EPHA3: variants seen among roughly 807,000 people sequenced by gnomAD.
EPHA3 encodes EPH receptor A3, also known as ephrin type-A receptor 3.
EPHA3 carries 42 observed loss-of-function variants against 107.1 expected under a neutral mutation model. That is an observed-to-expected ratio of 0.39 (90% CI 0.31 to 0.51). The LOEUF (loss-of-function observed/expected upper bound fraction) is 0.51, where lower values mean the gene tolerates loss of function less well. Among genes scored for constraint, EPHA3 ranks in the 20% least tolerant of loss-of-function variants. The pLI is 0.78. For synonymous variants in EPHA3, 461 were observed against 424.8 expected (o/e 1.09, Z -1.05); for missense variants, 1,183 against 1,211.2 (o/e 0.98, Z 0.35).
At chr3:89,374,618 A>G (rs1235470310) in intron 5 of EPHA3, among the ~76,000 whole-genome samples, 1 of 151,934 alleles carries the variant, frequency 6.6e-6, no homozygotes, top group East Asian at 2.0e-4. Context: ...TCAACAGATC[A>G]GAGGGTCTCT....
At chr3:89,413,366 TGATTTCA>T in intron 10 of EPHA3, 100 bp downstream of exon 10, 1 of 1,445,372 alleles carries the variant, frequency 6.9e-7, no homozygotes, top group Non-Finnish European at 9.6e-7. Flanking sequence ...GGGAATTTTC[TGATTTCA>T]TGATCAAAGG....
intron 4 of EPHA3, among the ~76,000 whole-genome samples, 185 bp downstream of exon 4, chr3:89,341,256 A>G (rs1045134854): frequency 5.9e-5 from 9 of 152,192 alleles, no homozygotes; most frequent in Non-Finnish European, 1.2e-4. Flanking sequence ...ATCACACAAA[A>G]TGAATTAAAT....
chr3:89,183,957 C>T lies in EPHA3; in HGVS notation c.154-25903C>T, dbSNP rs1705502364. Among the ~76,000 whole-genome samples, 2 of 151,870 alleles carry T rather than the reference C, an allele frequency of 1.3e-5. 1 individual carries two copies. The highest frequency in any genetic ancestry group is 4.1e-4 in the South Asian group (2 of 4,820). On this transcript the variant is annotated intron_variant, in intron 2 of 16. Transcript: ENST00000336596. Reference sequence around the variant, plus strand: ...ATCATTTAAATCATATTACTATATCCTATTCTATGACTATAAAAATTTTTA... The same window carrying T: ...ATCATTTAAATCATATTACTATATCTTATTCTATGACTATAAAAATTTTTA...
intron 3 of EPHA3, among the ~76,000 whole-genome samples, chr3:89,261,409 C>T (rs1371882028): frequency 6.6e-6 from 1 of 152,210 alleles, no homozygotes; most frequent in South Asian, 2.1e-4. Flanking sequence ...TTCCTTACCC[C>T]TGGATTGAAA....
chr3:89,407,321 G>T lies in EPHA3; in HGVS notation c.1647G>T (p.Ala549=). 1.9e-6 allele frequency: 3 copies of T among 1,613,506 alleles called. No homozygotes were observed. The highest frequency in any genetic ancestry group is 2.5e-6 in the Non-Finnish European group (3 of 1,179,628). ...AAGTGGTCATGATCGCCATTTCAGC[G>T]GCAGTAGCAATTATTCTCCTCACTG... The part of the protein sequence containing the change: ...SSQVVMIAIS[A]AVAIILLTVV... Residue 549 remains alanine, a synonymous_variant, in exon 8 of 17, where the codon GCG becomes GCT. Transcript: ENST00000336596.
In EPHA3 at chr3:89,480,615, T is replaced by A. The variant is rs1298498385; in HGVS notation, c.*1113T>A. The A allele has an allele frequency of 4.5e-6, 1 of 223,914 alleles. No homozygotes were observed. 13.9% of individuals were successfully genotyped at this position (223,914 alleles called of 1,614,324 possible). ...ACAACACAGCCTATAGGCCAATGCA[T>A]GAGTAAAAAAAAAAACAATTACTGG... On this transcript the variant is annotated 3_prime_UTR_variant, in exon 17 of 17. Coordinates refer to ENST00000336596, the MANE Select transcript of EPHA3 (RefSeq NM_005233.6).
intron 3 of EPHA3, among the ~76,000 whole-genome samples, chr3:89,279,469 C>A (rs1478631069): frequency 1.3e-5 from 2 of 151,694 alleles, no homozygotes; most frequent in Non-Finnish European, 2.9e-5. Context: ...ATATAGCTAC[C>A]TATTGTGTTA....
chr3:89,456,620 T>C (rs1404669006), intron 15 of EPHA3, among the ~76,000 whole-genome samples: 1 of 152,146 alleles, frequency 6.6e-6, no homozygotes, highest in Non-Finnish European at 1.5e-5. Context: ...AGTGTCTCCA[T>C]GAATATCGTC....
rs1257913257 is a variant in EPHA3, at chr3:89,306,026, G to A, written c.815-34890G>A. 2.6e-5 allele frequency among the ~76,000 whole-genome samples: 4 copies of A among 151,992 alleles called. 1 individual carries two copies. Among genetic ancestry groups the A allele is most frequent in the East Asian group, 3.9e-4 (2 of 5,176 alleles). On this transcript the variant is annotated intron_variant, in intron 3 of 16. Coordinates refer to ENST00000336596, the MANE Select transcript of EPHA3 (RefSeq NM_005233.6). Reference sequence around the variant, plus strand: ...AGCCTTCCCAGATGTGGCTATAAACGTCTCATCGTCATTGTCGTCATCATC... The same window carrying A: ...AGCCTTCCCAGATGTGGCTATAAACATCTCATCGTCATTGTCGTCATCATC...
At chr3:89,262,669 C>A (rs1372859040) in intron 3 of EPHA3, among the ~76,000 whole-genome samples, 1 of 152,260 alleles carries the variant, frequency 6.6e-6, no homozygotes, top group Non-Finnish European at 1.5e-5. Flanking sequence ...CTTGTTTACT[C>A]AGCCCACCTC....
At chr3:89,221,244 C>T (rs1704367213) in intron 3 of EPHA3, among the ~76,000 whole-genome samples, 2 of 152,122 alleles carry the variant, frequency 1.3e-5, no homozygotes, top group Non-Finnish European at 2.9e-5. Flanking sequence ...TTCATTGTGT[C>T]CTCTCTCTGG....
chr3:89,339,148 G>A (rs1458200853), intron 3 of EPHA3, among the ~76,000 whole-genome samples: 4 of 151,962 alleles, frequency 2.6e-5, no homozygotes, highest in African/African-American at 4.8e-5. Flanking sequence ...CGAGGCGGGC[G>A]GATCACAAGG....
intron 16 of EPHA3, among the ~76,000 whole-genome samples, chr3:89,474,240 T>A (rs1412283696): frequency 6.6e-6 from 1 of 152,148 alleles, no homozygotes; most frequent in East Asian, 1.9e-4. Context: ...AGTTTACGAT[T>A]ATTGAAGAAG....
chr3:89,179,398 T>C (rs1705388288), intron 2 of EPHA3, among the ~76,000 whole-genome samples: 1 of 152,088 alleles, frequency 6.6e-6, no homozygotes, highest in South Asian at 2.1e-4. Context: ...TACCACCATT[T>C]GCCTTTATTT....
chr3:89,379,630 G>C (rs143292921), intron 5 of EPHA3, among the ~76,000 whole-genome samples: 19 of 152,236 alleles, frequency 1.2e-4, no homozygotes, highest in African/African-American at 4.6e-4. Flanking sequence ...AGAAAACAAA[G>C]ACTGTGCTCT....
intron 14 of EPHA3, 33 bp from the exon 15 acceptor site, chr3:89,450,128 ACACTTCCTGAAAACTT>A (rs1709956636): frequency 6.8e-6 from 10 of 1,473,058 alleles, no homozygotes; most frequent in Non-Finnish European, 9.1e-6. Flanking sequence ...AAACTAAGTG[ACACTTCCTGAAAACTT>A]CCTGGTTCCT....
intron 6 of EPHA3, 139 bp from the exon 7 acceptor site, chr3:89,399,179 A>T: frequency 1.2e-6 from 1 of 827,124 alleles, no homozygotes; most frequent in Non-Finnish European, 1.8e-6. Context: ...TAATTGAAAT[A>T]ATCGATATGA....
chr3:89,165,416 A>G (rs1158942413), intron 2 of EPHA3, among the ~76,000 whole-genome samples: 3 of 152,222 alleles, frequency 2.0e-5, no homozygotes, highest in East Asian at 3.9e-4. Flanking sequence ...AATAAATGCA[A>G]TGCAATGCAA....
chr3:89,152,581 A>G (rs1181090859), intron 2 of EPHA3, among the ~76,000 whole-genome samples: 3 of 152,120 alleles, frequency 2.0e-5, no homozygotes, highest in Admixed American at 1.3e-4. Context: ...AATTCACATC[A>G]TTATTCTTTC....
Sources: allele counts gnomAD v4.1 joint callset (sites outside exome capture counted in the v4.1 genomes callset), GRCh38; gene constraint gnomAD v4.1.1; transcripts MANE v1.5; gene names NCBI Gene and HGNC (gene_info 2026-07-23, HGNC 2026-07-21).